Variants in TNR observed in about 807,000 individuals in gnomAD.
TNR encodes the protein tenascin R.
TNR carries 45 observed loss-of-function variants against 150.4 expected under a neutral mutation model. The observed-to-expected ratio is 0.30, with a 90% confidence interval of 0.24 to 0.38. The LOEUF (loss-of-function observed/expected upper bound fraction) is 0.38, where lower values mean the gene tolerates loss of function less well. Among genes scored for constraint, TNR ranks in the 10% least tolerant of loss-of-function variants. The probability of loss-of-function intolerance (pLI) is 1.00; values close to 1 mark genes in which losing one functional copy is unlikely to be tolerated. For missense variants in TNR, 1,544 were observed against 1,759.1 expected (o/e 0.88, Z 2.19); for synonymous variants, 687 against 678.4 (o/e 1.01, Z -0.20).
chr1:175,369,666 GC>G (rs3216197), intron 9 of TNR, among the ~76,000 whole-genome samples: 100,559 of 151,950 alleles, frequency 0.66, 33,757 homozygotes, highest in East Asian at 0.81. Context: ...AGCTAGAGAT[GC>G]CCCCCCGGAT....
At chr1:175,451,373 C>T (rs1292495759) in intron 2 of TNR, among the ~76,000 whole-genome samples, 1 of 152,152 alleles carries the variant, frequency 6.6e-6, no homozygotes, top group Non-Finnish European at 1.5e-5. Flanking sequence ...CTTCCCCCTT[C>T]CCCCACCCCA....
intron 1 of TNR, among the ~76,000 whole-genome samples, chr1:175,723,638 G>A (rs1397134688): frequency 2.0e-5 from 3 of 152,210 alleles, no homozygotes; most frequent in South Asian, 2.1e-4. Flanking sequence ...TTGGGAGGCC[G>A]AAGCGAGTGG....
At chr1:175,463,843 A>G (rs1656919257) in intron 2 of TNR, among the ~76,000 whole-genome samples, 1 of 152,230 alleles carries the variant, frequency 6.6e-6, no homozygotes. Flanking sequence ...CAAGGCAGAA[A>G]TGAAGGAAGG....
intron 1 of TNR, among the ~76,000 whole-genome samples, chr1:175,665,636 G>A (rs1665513807): frequency 6.6e-6 from 1 of 152,164 alleles, no homozygotes; most frequent in Non-Finnish European, 1.5e-5. Flanking sequence ...CTGATGAAAA[G>A]GAAATGAATA....
intron 2 of TNR, among the ~76,000 whole-genome samples, chr1:175,424,689 C>G (rs1490201031): frequency 6.6e-6 from 1 of 152,096 alleles, no homozygotes; most frequent in African/African-American, 2.4e-5. Context: ...ATGGGAGTTA[C>G]AGGACTGGAG....
intron 1 of TNR, among the ~76,000 whole-genome samples, chr1:175,704,499 G>T (rs1666792064): frequency 6.6e-6 from 1 of 152,212 alleles, no homozygotes; most frequent in Admixed American, 6.5e-5. Flanking sequence ...TCTGTGTGAA[G>T]TCAAGCAGTA....
intron 1 of TNR, among the ~76,000 whole-genome samples, chr1:175,634,209 C>T (rs558561634): frequency 2.0e-5 from 3 of 152,244 alleles, no homozygotes; most frequent in African/African-American, 7.2e-5. Context: ...AGCTGTGTGC[C>T]CCCATGTTTC....
chr1:175,666,507 T>A (rs1029561013), intron 1 of TNR, among the ~76,000 whole-genome samples: 5 of 152,214 alleles, frequency 3.3e-5, no homozygotes, highest in African/African-American at 1.2e-4. Context: ...GTTTCTGTTC[T>A]TATCTCAGGT....
At chr1:175,497,354 G>A (rs1438934197) in intron 2 of TNR, among the ~76,000 whole-genome samples, 2 of 152,182 alleles carry the variant, frequency 1.3e-5, no homozygotes, top group Non-Finnish European at 2.9e-5. Flanking sequence ...TAATTTGAAA[G>A]GCAAGGGACC....
chr1:175,442,465 G>A (rs1655836971), intron 2 of TNR, among the ~76,000 whole-genome samples: 1 of 148,860 alleles, frequency 6.7e-6, no homozygotes, highest in Admixed American at 6.6e-5. Context: ...TCAATCCTAG[G>A]GCTCTGAAAT....
intron 2 of TNR, among the ~76,000 whole-genome samples, chr1:175,503,275 G>A (rs1658815384): frequency 6.6e-6 from 1 of 152,218 alleles, no homozygotes; most frequent in African/African-American, 2.4e-5. Context: ...ACCAAGGACA[G>A]GGCTTATGCC....
rs1388604084 is a variant in TNR, at chr1:175,446,467, A to ACCC, written c.-63-39691_-63-39690insGGG. ...CTTGTAGTTATGGGTGACATAGTCT[A>ACCC]ATTTATGGCTCTCATCTTTTTCTAT... is the stretch of plus-strand genomic sequence containing the variant. On this transcript the variant is annotated intron_variant, in intron 2 of 22. Coordinates refer to ENST00000367674, the MANE Select transcript of TNR (RefSeq NM_003285.3). Among the ~76,000 whole-genome samples the ACCC allele has an allele frequency of 2.0e-5, 3 of 152,212 alleles. No homozygotes were observed. In the East Asian group the frequency reaches 5.8e-4, roughly 29 times the overall value.
chr1:175,703,944 A>C (rs1011886994), intron 1 of TNR, among the ~76,000 whole-genome samples: 4 of 152,210 alleles, frequency 2.6e-5, no homozygotes, highest in Non-Finnish European at 5.9e-5. Context: ...TAATAATATT[A>C]ATTGGTATTG....
At chr1:175,593,265 G>A (rs1004293621) in intron 1 of TNR, among the ~76,000 whole-genome samples, 1 of 152,134 alleles carries the variant, frequency 6.6e-6, no homozygotes, top group African/African-American at 2.4e-5. Context: ...TAGAGGCCAC[G>A]AAAGAGCTCA....
At chr1:175,449,457 C>T (rs1161422321) in intron 2 of TNR, among the ~76,000 whole-genome samples, 2 of 152,120 alleles carry the variant, frequency 1.3e-5, no homozygotes, top group African/African-American at 4.8e-5. Context: ...TTTCTTCTTC[C>T]TCTGCACATG....
chr1:175,395,608 T>C (rs76413785), intron 5 of TNR, among the ~76,000 whole-genome samples: 1 of 150,664 alleles, frequency 6.6e-6, no homozygotes, highest in Non-Finnish European at 1.5e-5. Flanking sequence ...CAGAGGCATT[T>C]GTGTGCATGC....
At chr1:175,511,011 C>T (rs1169232771) in intron 2 of TNR, among the ~76,000 whole-genome samples, 2 of 152,214 alleles carry the variant, frequency 1.3e-5, no homozygotes, top group Non-Finnish European at 2.9e-5. Context: ...GAATAGCTCA[C>T]TCTTGCCTTG....
At chr1:175,527,273 T>C (rs1231408624) in intron 2 of TNR, among the ~76,000 whole-genome samples, 2 of 152,184 alleles carry the variant, frequency 1.3e-5, no homozygotes, top group African/African-American at 4.8e-5. Flanking sequence ...CTCTTGTGAA[T>C]TGGAATGTTC....
At chr1:175,608,089 G>A (rs575546522) in intron 1 of TNR, among the ~76,000 whole-genome samples, 114 of 152,332 alleles carry the variant, frequency 7.5e-4, no homozygotes, top group African/African-American at 2.6e-3. Flanking sequence ...CACCCTGGAA[G>A]TACTACAGGC....
Sources: gnomAD v4.1 joint callset for allele counts (sites outside exome capture counted in the v4.1 genomes callset) on GRCh38, gnomAD v4.1.1 for gene constraint, MANE v1.5 for transcripts, NCBI Gene and HGNC (gene_info 2026-07-23, HGNC 2026-07-21) for gene names.